Variants in LAMA2 observed in about 807,000 individuals in gnomAD.
LAMA2 encodes laminin subunit alpha-2.
A neutral mutation model predicts 364.8 loss-of-function variants in LAMA2; 269 were observed. That is an observed-to-expected ratio of 0.74 (90% CI 0.67 to 0.82). The LOEUF is 0.82. LAMA2 is among the 40% of genes least tolerant of loss of function. LAMA2 has a pLI of 0.00. For synonymous variants in LAMA2, 1,379 were observed against 1,370.6 expected, an observed-to-expected ratio of 1.01 and a Z score of -0.14; for missense variants, 3,807 against 3,873.2, an observed-to-expected ratio of 0.98 and a Z score of 0.45.
intron 1 of LAMA2, among the ~76,000 whole-genome samples, chr6:128,987,251 T>A (rs565494261): frequency 6.0e-5 from 9 of 151,208 alleles, no homozygotes; most frequent in Non-Finnish European, 1.2e-4. Context: ...GTGAGTCTTC[T>A]GCTTCAGCCT....
At chr6:128,940,505 A>G (rs919803285) in intron 1 of LAMA2, among the ~76,000 whole-genome samples, 1 of 152,208 alleles carries the variant, frequency 6.6e-6, no homozygotes, top group African/African-American at 2.4e-5. Context: ...TATTTGTCGG[A>G]AGGAATAAAT....
intron 1 of LAMA2, among the ~76,000 whole-genome samples, chr6:128,887,206 G>T (rs1351985472): frequency 6.6e-6 from 1 of 152,014 alleles, no homozygotes; most frequent in Non-Finnish European, 1.5e-5. Flanking sequence ...GTTATAACAC[G>T]CAAGAATACT....
At chr6:129,323,904 A>G (rs905422309) in intron 28 of LAMA2, among the ~76,000 whole-genome samples, 3 of 152,178 alleles carry the variant, frequency 2.0e-5, no homozygotes, top group Non-Finnish European at 4.4e-5. Flanking sequence ...GCCGGTGTCT[A>G]TTGGATCGCC....
Position 129,313,272 on chromosome 6 carries a change from AT to A in LAMA2, c.3411+176del, listed in dbSNP as rs770407531. On this transcript the variant is annotated intron_variant, in intron 23 of 64. Transcript: ENST00000421865. ...TTGATATGCATTTGTTGGCATACCG[AT>A]AAACACTGCTTTTCTAGAGCTTATT... Among the ~76,000 whole-genome samples the A allele has an allele frequency of 7.2e-4, 109 of 152,336 alleles. No individual in the cohort carries two copies. The Middle Eastern group carries it at 0.014, about 19-fold the overall frequency.
intron 2 of LAMA2, among the ~76,000 whole-genome samples, chr6:129,055,027 A>G (rs942916383): frequency 6.6e-6 from 1 of 150,930 alleles, no homozygotes; most frequent in Admixed American, 6.6e-5. Context: ...AGCCAATACT[A>G]TCCATGTTTT....
chr6:129,115,936 C>G (rs1776452198), intron 4 of LAMA2, among the ~76,000 whole-genome samples: 1 of 152,102 alleles, frequency 6.6e-6, no homozygotes, highest in African/African-American at 2.4e-5. Context: ...CAGAAAGCAA[C>G]TTACAATTTC....
chr6:129,240,853 G>T (rs1202857345), intron 12 of LAMA2, among the ~76,000 whole-genome samples: 1 of 152,186 alleles, frequency 6.6e-6, no homozygotes, highest in African/African-American at 2.4e-5. Context: ...ATGCCATAGA[G>T]TTGATTTATG....
At chr6:128,984,570 G>A (rs1257335709) in intron 1 of LAMA2, among the ~76,000 whole-genome samples, 1 of 151,978 alleles carries the variant, frequency 6.6e-6, no homozygotes, top group Non-Finnish European at 1.5e-5. Flanking sequence ...TACCAATTTT[G>A]CAGAATTGAA....
intron 1 of LAMA2, among the ~76,000 whole-genome samples, chr6:128,944,026 C>A (rs1258136343): frequency 6.6e-5 from 10 of 152,114 alleles, no homozygotes; most frequent in African/African-American, 2.4e-4. Flanking sequence ...TTCTCCAAAA[C>A]CTGACAATCT....
At chr6:129,403,678 A>G in intron 39 of LAMA2, 143 bp from the exon 40 acceptor site, 2 of 758,422 alleles carry the variant, frequency 2.6e-6, no homozygotes, top group Non-Finnish European at 4.5e-6. Context: ...ACAATATAAT[A>G]AGTAGATACT....
At chr6:129,267,343 C>G (rs1381937959) in intron 16 of LAMA2, 124 bp downstream of exon 16, 1 of 756,644 alleles carries the variant, frequency 1.3e-6, no homozygotes, top group African/African-American at 1.7e-5. Context: ...TGACAAAGAT[C>G]TTTGTATTGA....
At chr6:129,257,302 A>G (rs900829906) in intron 14 of LAMA2, among the ~76,000 whole-genome samples, 1 of 152,102 alleles carries the variant, frequency 6.6e-6, no homozygotes, top group African/African-American at 2.4e-5. Flanking sequence ...AACCTAATGA[A>G]CATTGGGATT....
chr6:129,238,785 G>A (rs1785193016), intron 12 of LAMA2, among the ~76,000 whole-genome samples: 1 of 152,074 alleles, frequency 6.6e-6, no homozygotes, highest in African/African-American at 2.4e-5. Context: ...ACAATTTCCG[G>A]AGATTAAATG....
At chr6:129,198,458 T>G (rs149818783) in intron 12 of LAMA2, among the ~76,000 whole-genome samples, 1 of 152,230 alleles carries the variant, frequency 6.6e-6, no homozygotes, top group East Asian at 1.9e-4. Flanking sequence ...ATCTTTGGAA[T>G]AGAGATGCTG....
chr6:129,440,523 C>T (rs1024490276), intron 42 of LAMA2, among the ~76,000 whole-genome samples: 3 of 151,816 alleles, frequency 2.0e-5, no homozygotes, highest in South Asian at 2.1e-4. Flanking sequence ...AAATTTATCT[C>T]GTGAATAAGT....
chr6:129,190,201 G>C lies in LAMA2; in HGVS notation c.1468-4G>C. ...CTGTTGCTGATACATCTCTTTATTTGCAGGAAAATGTTGAAGGAGGAGACT... is the reference window on the plus strand; with the variant it reads ...CTGTTGCTGATACATCTCTTTATTTCCAGGAAAATGTTGAAGGAGGAGACT... On this transcript the variant is annotated splice_region_variant and splice_polypyrimidine_tract_variant and intron_variant, in intron 10 of 64. Transcript: ENST00000421865. 6.2e-7 allele frequency: 1 copy of C among 1,613,074 alleles called. No individual in the cohort carries two copies. Among genetic ancestry groups the C allele is most frequent in the Non-Finnish European group, 8.5e-7 (1 of 1,179,194 alleles).
At position 129,128,196 on chromosome 6, in the gene LAMA2, A is replaced by G. The variant is rs1311949643; in HGVS notation, c.640-15705A>G. Among the ~76,000 whole-genome samples the G allele has an allele frequency of 3.3e-5, 5 of 152,264 alleles. No individual in the cohort carries two copies. In the East Asian group the frequency reaches 7.7e-4, roughly 24 times the overall value. On this transcript the variant is annotated intron_variant, in intron 4 of 64. Coordinates refer to ENST00000421865, the MANE Select transcript of LAMA2 (RefSeq NM_000426.4). ...TGTATATGATGTGAAATAAGGGGCC[A>G]ATTTTATTCTTCTGCATGTGGATAC... is the stretch of plus-strand genomic sequence containing the variant.
At chr6:129,266,915 G>C (rs1210882731) in intron 15 of LAMA2, among the ~76,000 whole-genome samples, 191 bp from the exon 16 acceptor site, 3 of 152,018 alleles carry the variant, frequency 2.0e-5, no homozygotes, top group African/African-American at 7.2e-5. Flanking sequence ...ATAACACTAA[G>C]GTCAGTGCAA....
chr6:129,214,103 A>G (rs746408344), intron 12 of LAMA2, among the ~76,000 whole-genome samples: 4 of 152,204 alleles, frequency 2.6e-5, no homozygotes, highest in Non-Finnish European at 5.9e-5. Flanking sequence ...TTGCTATAAC[A>G]GAATACCTGA....
Sources: gnomAD v4.1 joint callset for allele counts (sites outside exome capture counted in the v4.1 genomes callset) on GRCh38, gnomAD v4.1.1 for gene constraint, MANE v1.5 for transcripts, NCBI Gene and HGNC (gene_info 2026-07-23, HGNC 2026-07-21) for gene names.